Variants in SEPTIN9 observed in about 807,000 individuals in gnomAD.
SEPTIN9 encodes the protein septin 9, also known as septin-9.
SEPTIN9 carries 13 observed loss-of-function variants against 56.6 expected under a neutral mutation model. The ratio of observed to expected loss-of-function variants is 0.23; its 90% CI spans 0.15 to 0.37. The LOEUF (loss-of-function observed/expected upper bound fraction) is 0.37, where lower values mean the gene tolerates loss of function less well. Among genes scored for constraint, SEPTIN9 ranks in the 10% least tolerant of loss-of-function variants. The probability of loss-of-function intolerance (pLI) is 1.00; values close to 1 mark genes in which losing one functional copy is unlikely to be tolerated. For synonymous variants in SEPTIN9, 332 were observed against 334.1 expected (o/e 0.99, Z 0.07); for missense variants, 650 against 823.1 (o/e 0.79, Z 2.57).
At position 77,500,366 on chromosome 17, in the gene SEPTIN9, A is replaced by T; in HGVS notation, c.*1708A>T. On this transcript the variant is annotated 3_prime_UTR_variant, in exon 12 of 12. Coordinates refer to ENST00000427177, the MANE Select transcript of SEPTIN9 (RefSeq NM_001113491.2). The stretch of plus-strand genomic sequence containing the variant: ...CAGGCCATGTGGCCTGCCCAGCCTC[A>T]ATGTCACTTGGTGGCGGGGTGGGGT... The T allele has an allele frequency of 5.7e-6, 1 of 174,540 alleles. No homozygotes were observed. Among genetic ancestry groups the T allele is most frequent in the Non-Finnish European group, 1.2e-5 (1 of 82,068 alleles). 10.8% of individuals were successfully genotyped at this position (174,540 alleles called of 1,614,324 possible).
Position 77,435,828 on chromosome 17 carries a change from G to A in SEPTIN9, c.721+33125G>A, listed in dbSNP as rs927555004. On this transcript the variant is annotated intron_variant, in intron 3 of 11. Transcript: ENST00000427177. The surrounding 1 kb of genome is among the most constrained non-coding windows in gnomAD (Gnocchi z 4.5). Reference sequence around the variant, plus strand: ...AATGCAGCAGCGCAAGCTTGCCAGCGCCGCACTGCGGGATCTGGAGGCCTT... The same window carrying A: ...AATGCAGCAGCGCAAGCTTGCCAGCACCGCACTGCGGGATCTGGAGGCCTT... Among the ~76,000 whole-genome samples the A allele has an allele frequency of 2.6e-4, 39 of 152,352 alleles. No individual in the cohort carries two copies. Among genetic ancestry groups the A allele is most frequent in the South Asian group, 8.3e-4 (4 of 4,832 alleles).
chr17:77,285,973 G>A (rs913422029), intron 1 of SEPTIN9, among the ~76,000 whole-genome samples: 1 of 152,220 alleles, frequency 6.6e-6, no homozygotes, highest in Non-Finnish European at 1.5e-5. Flanking sequence ...ACAGGCGAGC[G>A]TGGGAAGGGC....
Position 77,421,223 on chromosome 17 carries a change from C to T in SEPTIN9, c.721+18520C>T, listed in dbSNP as rs1366474021. Reference sequence around the variant, plus strand: ...CCATGGGGTGAAATGAAAGAAAACCCCAGTTAGAAGGTGTCCCCCTCTTCC... The same window carrying T: ...CCATGGGGTGAAATGAAAGAAAACCTCAGTTAGAAGGTGTCCCCCTCTTCC... On this transcript the variant is annotated intron_variant, in intron 3 of 11. Transcript: ENST00000427177. This position sits in a 1 kb window ranked among gnomAD's most constrained non-coding sequence, Gnocchi z 4.6. Among the ~76,000 whole-genome samples, 1 of 152,170 alleles carries T rather than the reference C, an allele frequency of 6.6e-6. No individual in the cohort carries two copies. The highest frequency in any genetic ancestry group is 2.4e-5 in the African/African-American group (1 of 41,446).
chr17:77,460,497 C>T (rs913194404), intron 3 of SEPTIN9, among the ~76,000 whole-genome samples: 3 of 152,192 alleles, frequency 2.0e-5, no homozygotes. Flanking sequence ...CACAGTGGGG[C>T]TTAATTGAAT....
At chr17:77,424,348 G>T (rs1417615091) in intron 3 of SEPTIN9, among the ~76,000 whole-genome samples, 1 of 152,270 alleles carries the variant, frequency 6.6e-6, no homozygotes, top group Non-Finnish European at 1.5e-5. Flanking sequence ...CATGGTTTCT[G>T]TGCCACTGTT....
chr17:77,340,640 T>G (rs563693062), intron 2 of SEPTIN9, among the ~76,000 whole-genome samples: 1 of 152,204 alleles, frequency 6.6e-6, no homozygotes, highest in South Asian at 2.1e-4. Context: ...AGTCAGCCTG[T>G]CCTTTGAAGC....
At chr17:77,459,821 G>A (rs1021853101) in intron 3 of SEPTIN9, among the ~76,000 whole-genome samples, 3 of 152,196 alleles carry the variant, frequency 2.0e-5, no homozygotes, top group South Asian at 2.1e-4. Context: ...GATTACAGGC[G>A]CATGCCACCG....
chr17:77,488,981 G>A (rs2039915945), intron 7 of SEPTIN9, 117 bp downstream of exon 7: 1 of 1,317,494 alleles, frequency 7.6e-7, no homozygotes, highest in Non-Finnish European at 1.0e-6. Context: ...CTGAGTCAGG[G>A]GCCATGGCCG....
chr17:77,345,654 A>G (rs1280626728), intron 2 of SEPTIN9, among the ~76,000 whole-genome samples: 1 of 152,190 alleles, frequency 6.6e-6, no homozygotes, highest in Non-Finnish European at 1.5e-5. Context: ...CTCAGTACAG[A>G]GCAGGCCCCA....
intron 2 of SEPTIN9, among the ~76,000 whole-genome samples, chr17:77,348,196 A>G (rs2143790505): frequency 6.6e-6 from 1 of 151,584 alleles, no homozygotes; most frequent in East Asian, 1.9e-4. Flanking sequence ...CTGGGTTTAG[A>G]GCTACTACCT....
rs980090495 is a variant in SEPTIN9, at chr17:77,337,507, G to T, written c.76+30310G>T. 2.0e-5 allele frequency among the ~76,000 whole-genome samples: 3 copies of T among 151,882 alleles called. No homozygotes were observed. In the South Asian group the frequency reaches 6.2e-4, roughly 32 times the overall value. ...GTAATGTCTTTGTCAGCCTCATTTT[G>T]GCTTCATAAAATTAGTTTGGAAGTG... On this transcript the variant is annotated intron_variant, in intron 2 of 11. Transcript: ENST00000427177.
intron 1 of SEPTIN9, among the ~76,000 whole-genome samples, chr17:77,300,706 C>G (rs562169186): frequency 7.8e-3 from 467 of 59,680 alleles, no homozygotes; most frequent in Middle Eastern, 0.02. Context: ...CAGGCTCAAA[C>G]CGCCCCCACC....
In SEPTIN9 at chr17:77,283,579, G is replaced by A. The variant is rs2031135972; in HGVS notation, c.19+2025G>A. Among the ~76,000 whole-genome samples, 5 of 152,176 alleles carry A rather than the reference G, an allele frequency of 3.3e-5. No individual in the cohort carries two copies. The South Asian group carries it at 1.0e-3, about 31-fold the overall frequency. ...GCAAAAGATGTTAAAAATCCCCCAAGGCTCTGACAATCCAAGGACAACAGG... is the reference window on the plus strand; with the variant it reads ...GCAAAAGATGTTAAAAATCCCCCAAAGCTCTGACAATCCAAGGACAACAGG... On this transcript the variant is annotated intron_variant, in intron 1 of 11. Coordinates refer to ENST00000427177, the MANE Select transcript of SEPTIN9 (RefSeq NM_001113491.2).
chr17:77,481,958 A>T, intron 3 of SEPTIN9, 186 bp from the exon 4 acceptor site: 1 of 612,690 alleles, frequency 1.6e-6, no homozygotes, highest in Non-Finnish European at 2.9e-6. Context: ...GCAGCTTTTT[A>T]GAGGACACCA....
Position 77,317,913 on chromosome 17 carries a change from C to T in SEPTIN9, c.76+10716C>T, listed in dbSNP as rs1250674974. Among the ~76,000 whole-genome samples the T allele has an allele frequency of 1.3e-5, 2 of 151,954 alleles. 1 individual carries two copies. The highest frequency in any genetic ancestry group is 3.9e-4 in the East Asian group (2 of 5,178). On this transcript the variant is annotated intron_variant, in intron 2 of 11. Transcript: ENST00000427177. The surrounding 1 kb of genome is among the most constrained non-coding windows in gnomAD (Gnocchi z 4.2). Reference sequence around the variant, plus strand: ...TAAAAATACAAAAATTAGCCGGACACGGTGGCAGGCGTCTGTAGTCCCAGC... The same window carrying T: ...TAAAAATACAAAAATTAGCCGGACATGGTGGCAGGCGTCTGTAGTCCCAGC...
intron 1 of SEPTIN9, among the ~76,000 whole-genome samples, chr17:77,294,008 G>T (rs1174190929): frequency 6.6e-6 from 1 of 151,934 alleles, no homozygotes; most frequent in African/African-American, 2.4e-5. Context: ...GGAGGCTGAG[G>T]TGGGAGGATT....
chr17:77,301,605 G>T (rs1295084037), intron 1 of SEPTIN9, among the ~76,000 whole-genome samples: 1 of 152,074 alleles, frequency 6.6e-6, no homozygotes, highest in Non-Finnish European at 1.5e-5. Context: ...TAGAGACGGG[G>T]TTTCACCATG....
At chr17:77,287,259 C>T (rs1249019715) in intron 1 of SEPTIN9, among the ~76,000 whole-genome samples, 2 of 152,192 alleles carry the variant, frequency 1.3e-5, no homozygotes, top group South Asian at 2.1e-4. Context: ...CTGTGGGTGC[C>T]GAGCTTCTGT....
At chr17:77,480,890 G>A (rs768655007) in intron 3 of SEPTIN9, among the ~76,000 whole-genome samples, 1 of 152,184 alleles carries the variant, frequency 6.6e-6, no homozygotes, top group Non-Finnish European at 1.5e-5. Flanking sequence ...AGGGACGGGG[G>A]CACAGAACAG....
Sources: gnomAD v4.1 joint callset for allele counts (sites outside exome capture counted in the v4.1 genomes callset) on GRCh38, gnomAD v4.1.1 for gene constraint, Gnocchi (gnomAD v3.1) non-coding constraint, MANE v1.5 for transcripts, NCBI Gene and HGNC (gene_info 2026-07-23, HGNC 2026-07-21) for gene names.